The following FNTB variants were observed in gnomAD, a reference collection of about 807,000 sequenced individuals.
The protein encoded by FNTB is farnesyltransferase, CAAX box, subunit beta.
A neutral mutation model predicts 59.4 loss-of-function variants in FNTB; 27 were observed. That is an observed-to-expected ratio of 0.45 (90% confidence interval 0.34 to 0.63). FNTB has a LOEUF of 0.63. FNTB is among the 20% of genes least tolerant of loss of function. The pLI is 0.02. For missense variants in FNTB, 449 were observed against 559.6 expected (o/e 0.80, Z 1.99); for synonymous variants, 230 against 220.7 (o/e 1.04, Z -0.37).
chr14:65,058,146 A>G (rs73270852), intron 11 of FNTB, among the ~76,000 whole-genome samples: 14,327 of 152,002 alleles, frequency 0.094, 2,235 homozygotes, highest in African/African-American at 0.33. Context: ...CAGGAGTACA[A>G]AGAGAACTGA....
intron 7 of FNTB, 104 bp from the exon 8 acceptor site, chr14:65,040,686 C>A: frequency 2.5e-6 from 3 of 1,217,772 alleles, no homozygotes; most frequent in Non-Finnish European, 3.2e-6. Context: ...TGATGGTTCA[C>A]ACCTTAATCT....
Position 65,052,075 on chromosome 14 carries a change from A to G in FNTB, c.956-1163A>G, listed in dbSNP as rs142485601. On this transcript the variant is annotated intron_variant, in intron 9 of 11. Transcript: ENST00000246166. ...CTCCCAAAGTGCTGGGATTACAGGC[A>G]TAAGCCATCGTGCCTGGCCCACCAT... is the stretch of plus-strand genomic sequence containing the variant. 7.0e-3 allele frequency among the ~76,000 whole-genome samples: 1,072 copies of G among 152,276 alleles called. 8 individuals are homozygous for G. Among genetic ancestry groups the G allele is most frequent in the African/African-American group, 0.024 (1,002 of 41,568 alleles).
At chr14:65,008,120 T>C (rs1194973306) in intron 2 of FNTB, among the ~76,000 whole-genome samples, 1 of 152,236 alleles carries the variant, frequency 6.6e-6, no homozygotes, top group Admixed American at 6.5e-5. Flanking sequence ...CACAAATAAG[T>C]TCACCTTTCC....
intron 4 of FNTB, among the ~76,000 whole-genome samples, chr14:65,022,959 T>G (rs2061915894): frequency 6.6e-6 from 1 of 152,224 alleles, no homozygotes; most frequent in Non-Finnish European, 1.5e-5. Context: ...TTATTCTTAT[T>G]GGTTTCTGAT....
rs369252718 is a variant in FNTB, at chr14:65,009,548, G to T, written c.210-2769G>T. Reference sequence around the variant, plus strand: ...GCTAGCTTCGTACCCATCATTTCTCGCTCAAAGAATGCAGCATCCTTCCTT... The same window carrying T: ...GCTAGCTTCGTACCCATCATTTCTCTCTCAAAGAATGCAGCATCCTTCCTT... On this transcript the variant is annotated intron_variant, in intron 2 of 11. Transcript: ENST00000246166. This position sits in a 1 kb window ranked among gnomAD's most constrained non-coding sequence, Gnocchi z 4.2. Among the ~76,000 whole-genome samples, 7 of 151,846 alleles carry T rather than the reference G, an allele frequency of 4.6e-5. No individual in the cohort carries two copies. Among genetic ancestry groups the T allele is most frequent in the Admixed American group, 1.3e-4 (2 of 15,228 alleles).
At chr14:65,015,593 A>G in intron 3 of FNTB, 32 bp from the exon 4 acceptor site, 2 of 1,611,066 alleles carry the variant, frequency 1.2e-6, no homozygotes, top group South Asian at 1.1e-5. Flanking sequence ...GATTGTGAAT[A>G]AGGGATGTTT....
chr14:65,041,731 G>C (rs571007971), intron 8 of FNTB, among the ~76,000 whole-genome samples: 1 of 152,228 alleles, frequency 6.6e-6, no homozygotes, highest in Admixed American at 6.5e-5. Flanking sequence ...AGCCTCCCCC[G>C]GTGTAGTCTT....
chr14:65,061,307 G>A lies in FNTB; in HGVS notation c.1309G>A (p.Asp437Asn), dbSNP rs749304087. ...TGAGACATCGGCAGAGCCTGCAACC[G>A]ACTAGAGGACCTGGGTCCCGGCAGC... ...KDETSAEPAT[D>N] The change falls in exon 12 of 12, where the codon GAC (aspartate) becomes AAC (asparagine). Residue 437 changes from aspartate to asparagine, a missense_variant. This residue lies in a region of FNTB where 337 missense variants were observed against 479.1 expected (regional missense o/e 0.70). Coordinates refer to ENST00000246166, the MANE Select transcript of FNTB (RefSeq NM_002028.4). 55 of 1,613,580 alleles carry A rather than the reference G, an allele frequency of 3.4e-5. No homozygotes were observed. The highest frequency in any genetic ancestry group is 4.4e-5 in the South Asian group (4 of 91,050).
At chr14:65,024,397 T>A (rs916111855) in intron 4 of FNTB, among the ~76,000 whole-genome samples, 1 of 152,206 alleles carries the variant, frequency 6.6e-6, no homozygotes, top group South Asian at 2.1e-4. Context: ...AAGCTTTGCA[T>A]GTATCTGAAT....
At position 65,032,061 on chromosome 14, in the gene FNTB, G is replaced by T. The variant is rs984906116; in HGVS notation, c.606-549G>T. 6.6e-6 allele frequency among the ~76,000 whole-genome samples: 1 copy of T among 150,962 alleles called. No individual in the cohort carries two copies. Among genetic ancestry groups the T allele is most frequent in the African/African-American group, 2.4e-5 (1 of 40,894 alleles). On this transcript the variant is annotated intron_variant, in intron 6 of 11. Coordinates refer to ENST00000246166, the MANE Select transcript of FNTB (RefSeq NM_002028.4). This position sits in a 1 kb window ranked among gnomAD's most constrained non-coding sequence, Gnocchi z 5.0. ...AAATCAAGGCTCTTTTCTCCCTCTA[G>T]AGGTTTAAGGACTGTATTGGAGTGG...
Position 65,061,398 on chromosome 14 carries a change from C to A in FNTB, c.*86C>A. On this transcript the variant is annotated 3_prime_UTR_variant, in exon 12 of 12. Coordinates refer to ENST00000246166, the MANE Select transcript of FNTB (RefSeq NM_002028.4). The stretch of plus-strand genomic sequence containing the variant: ...GTTTCAATACATACTGCATTCTGTG[C>A]TACACAAGCCTTAGCCTCAGTGGAG... The A allele has an allele frequency of 6.4e-7, 1 of 1,558,068 alleles. No individual in the cohort carries two copies. The highest frequency in any genetic ancestry group is 8.7e-7 in the Non-Finnish European group (1 of 1,151,802).
chr14:65,027,552 T>C lies in FNTB; in HGVS notation c.474T>C (p.Asn158=). ...TTGCACCCACATATGCAGCAGTCAA[T>C]GCATTGTGCATCATTGGCACCGAGG... The part of the protein sequence containing the change: ...PHLAPTYAAV[N]ALCIIGTEEA... Residue 158 remains asparagine (N), a synonymous_variant, in exon 5 of 12, where the codon AAT becomes AAC. Coordinates refer to ENST00000246166, the MANE Select transcript of FNTB (RefSeq NM_002028.4). This position sits in a 1 kb window ranked among gnomAD's most constrained non-coding sequence, Gnocchi z 5.7. 1.2e-6 allele frequency: 2 copies of C among 1,614,194 alleles called. No individual in the cohort carries two copies. Among genetic ancestry groups the C allele is most frequent in the South Asian group, 2.2e-5 (2 of 91,086 alleles).
Position 65,014,449 on chromosome 14 carries a change from A to G in FNTB, c.283-1176A>G, listed in dbSNP as rs1212573602. ...GTTGGTTCCAGAAAGACATGAGGTA[A>G]CTTATATGTCTGTCCAGTGCTCTCT... On this transcript the variant is annotated intron_variant, in intron 3 of 11. Coordinates refer to ENST00000246166, the MANE Select transcript of FNTB (RefSeq NM_002028.4). This position sits in a 1 kb window ranked among gnomAD's most constrained non-coding sequence, Gnocchi z 5.1. 2.0e-5 allele frequency among the ~76,000 whole-genome samples: 3 copies of G among 152,164 alleles called. No individual in the cohort carries two copies. The highest frequency in any genetic ancestry group is 4.4e-5 in the Non-Finnish European group (3 of 68,028).
chr14:64,991,528 T>C lies in FNTB; in HGVS notation c.144+4431T>C, dbSNP rs1053000574. On this transcript the variant is annotated intron_variant, in intron 1 of 11. Transcript: ENST00000246166. The surrounding 1 kb of genome is among the most constrained non-coding windows in gnomAD (Gnocchi z 4.4). ...CTGAGGCAGGTGAATCTCTTTAACC[T>C]GGGAGGCGGAGGTTGCAGTGAGCCG... Among the ~76,000 whole-genome samples the C allele has an allele frequency of 1.3e-5, 2 of 152,016 alleles. No homozygotes were observed. Among genetic ancestry groups the C allele is most frequent in the Non-Finnish European group, 2.9e-5 (2 of 67,996 alleles).
rs1428939166 is a variant in FNTB, at chr14:65,028,958, T to G, written c.605+1177T>G. The stretch of plus-strand genomic sequence containing the variant: ...AAATCATAGCAAGATCCTTTTGGTA[T>G]TTTATCATATACCTTTTGCAGCTGT... On this transcript the variant is annotated intron_variant, in intron 6 of 11. Coordinates refer to ENST00000246166, the MANE Select transcript of FNTB (RefSeq NM_002028.4). The surrounding 1 kb of genome is among the most constrained non-coding windows in gnomAD (Gnocchi z 4.4). Among the ~76,000 whole-genome samples the G allele has an allele frequency of 6.6e-6, 1 of 152,226 alleles. No individual in the cohort carries two copies. Among genetic ancestry groups the G allele is most frequent in the East Asian group, 1.9e-4 (1 of 5,200 alleles).
Position 65,011,450 on chromosome 14 carries a change from AAAGACTGCATG to A in FNTB, c.210-863_210-853del, listed in dbSNP as rs2061682232. Among the ~76,000 whole-genome samples the A allele has an allele frequency of 6.6e-6, 1 of 151,892 alleles. No homozygotes were observed. The highest frequency in any genetic ancestry group is 6.6e-5 in the Admixed American group (1 of 15,250). ...TCTCAGGAAAAAAAAAAAAAAAAAA[AAAGACTGCATG>A]AAGGCTCTTACTCTGAGCCAAGTAC... On this transcript the variant is annotated intron_variant, in intron 2 of 11. Coordinates refer to ENST00000246166, the MANE Select transcript of FNTB (RefSeq NM_002028.4). This position sits in a 1 kb window ranked among gnomAD's most constrained non-coding sequence, Gnocchi z 4.0.
chr14:65,036,200 T>C (rs1016534063), intron 7 of FNTB, among the ~76,000 whole-genome samples: 1 of 152,158 alleles, frequency 6.6e-6, no homozygotes, highest in Admixed American at 6.5e-5. Context: ...TTTCCTTATA[T>C]GTCAAGTGGT....
chr14:65,046,431 TGAGCTATAACAG>T (rs2062478418), intron 9 of FNTB, among the ~76,000 whole-genome samples: 1 of 152,228 alleles, frequency 6.6e-6, no homozygotes, highest in Non-Finnish European at 1.5e-5. Flanking sequence ...AAATGTGGAA[TGAGCTATAACAG>T]GAGCACCACC....
In FNTB at chr14:65,012,481, C is replaced by T. The variant is rs886921347; in HGVS notation, c.282+92C>T. On this transcript the variant is annotated intron_variant, in intron 3 of 11. Coordinates refer to ENST00000246166, the MANE Select transcript of FNTB (RefSeq NM_002028.4). The surrounding 1 kb of genome is among the most constrained non-coding windows in gnomAD (Gnocchi z 5.0). ...AAACGTAAAAGACTGTTGGGGCTGA[C>T]CTGTTGCAGAGTCACTCTTTGTTCT... 1.3e-6 allele frequency: 2 copies of T among 1,521,098 alleles called. No homozygotes were observed. The highest frequency in any genetic ancestry group is 1.8e-6 in the Non-Finnish European group (2 of 1,112,996). The allele number at this position is 1,521,098 out of a possible 1,614,324, so 94.2% of individuals were successfully genotyped here.
Sources: allele counts gnomAD v4.1 joint callset (sites outside exome capture counted in the v4.1 genomes callset), GRCh38; gene constraint gnomAD v4.1.1; regional missense constraint gnomAD v4.1.1; non-coding constraint Gnocchi (gnomAD v3.1); transcripts MANE v1.5; gene names NCBI Gene and HGNC (gene_info 2026-07-23, HGNC 2026-07-21).